The following SMURF1 variants were observed in gnomAD, a reference collection of about 807,000 sequenced individuals.
The protein encoded by SMURF1 is SMAD specific E3 ubiquitin protein ligase 1.
In SMURF1, 44 loss-of-function variants were observed where a neutral mutation model predicts 98.0. That is an observed-to-expected ratio of 0.45 (90% CI 0.35 to 0.58). The LOEUF is 0.58. Among genes scored for constraint, SMURF1 ranks in the 20% least tolerant of loss-of-function variants. The probability of loss-of-function intolerance (pLI) is 0.00; values close to 1 mark genes in which losing one functional copy is unlikely to be tolerated. For synonymous variants in SMURF1, 396 were observed against 374.9 expected (o/e 1.06, Z -0.65); for missense variants, 687 against 938.4 (o/e 0.73, Z 3.50).
At chr7:99,042,809 A>G (rs1795438776) in intron 11 of SMURF1, among the ~76,000 whole-genome samples, 1 of 152,238 alleles carries the variant, frequency 6.6e-6, no homozygotes, top group Non-Finnish European at 1.5e-5. Flanking sequence ...GCATTAAGAT[A>G]GCAGCTCCAA....
At chr7:99,133,953 A>C (rs1275023137) in intron 1 of SMURF1, among the ~76,000 whole-genome samples, 1 of 152,206 alleles carries the variant, frequency 6.6e-6, no homozygotes, top group East Asian at 1.9e-4. Flanking sequence ...GTTACAAGTC[A>C]GGACTGTGGT....
In SMURF1 at chr7:99,054,794, C is replaced by T. The variant is rs1166630200; in HGVS notation, c.475G>A (p.Glu159Lys). ...TCTTGCTGTGGTTATACGTACCCTT[C>T]ATTTTCTAACAGTCCTCTGCAGTCC... The part of the protein sequence containing the change: ...VVDCRGLLEN[E>K]GTVYEDSGPG... The change falls in exon 6 of 18, where the codon GAA becomes AAA. Residue 159 changes from glutamate to lysine, a missense_variant. Glu to Lys is a moderately conservative substitution (Grantham distance 56). Coordinates refer to ENST00000361368, the MANE Select transcript of SMURF1 (RefSeq NM_181349.3). 1 of 1,613,706 alleles carries T rather than the reference C, an allele frequency of 6.2e-7. No homozygotes were observed. Among genetic ancestry groups the T allele is most frequent in the Non-Finnish European group, 8.5e-7 (1 of 1,179,852 alleles).
chr7:99,034,192 ACCT>A (rs903912158), intron 16 of SMURF1, among the ~76,000 whole-genome samples: 2 of 151,620 alleles, frequency 1.3e-5, no homozygotes, highest in African/African-American at 4.9e-5. Flanking sequence ...GCCTTCAGAG[ACCT>A]CCTGCAGGGC....
intron 6 of SMURF1, among the ~76,000 whole-genome samples, chr7:99,053,308 C>T (rs1795805374): frequency 6.6e-6 from 1 of 152,078 alleles, no homozygotes; most frequent in Non-Finnish European, 1.5e-5. Flanking sequence ...CAATGAACCC[C>T]CTGTGTCCAC....
chr7:99,131,921 G>A (rs201258157), intron 1 of SMURF1, among the ~76,000 whole-genome samples: 1 of 152,128 alleles, frequency 6.6e-6, no homozygotes, highest in South Asian at 2.1e-4. Flanking sequence ...AATGGGAAAC[G>A]TTATTCAAGA....
At chr7:99,133,070 A>G (rs1193668912) in intron 1 of SMURF1, among the ~76,000 whole-genome samples, 1 of 151,406 alleles carries the variant, frequency 6.6e-6, no homozygotes, top group African/African-American at 2.4e-5. Context: ...GGTGATATGA[A>G]TTTGTACATG....
At position 99,114,672 on chromosome 7, in the gene SMURF1, C is replaced by T. The variant is rs117587388; in HGVS notation, c.55+29054G>A. The stretch of plus-strand genomic sequence containing the variant: ...AGCAACTATACCTAACGGACATATA[C>T]AGGACAGTTTACCCAACAGTAGCAG... On this transcript the variant is annotated intron_variant, in intron 1 of 17. Transcript: ENST00000361368. Among the ~76,000 whole-genome samples, 36 of 152,268 alleles carry T rather than the reference C, an allele frequency of 2.4e-4. No individual in the cohort carries two copies. In the East Asian group the frequency reaches 6.6e-3, roughly 28 times the overall value.
intron 1 of SMURF1, among the ~76,000 whole-genome samples, chr7:99,142,438 CTGAAGAGGGCTGGACCAGGGGGAAG>C (rs1183593805): frequency 6.6e-6 from 1 of 151,710 alleles, no homozygotes; most frequent in Non-Finnish European, 1.5e-5. Context: ...CAGACTGAGA[CTGAAGAGGGCTGGACCAGGGGGAAG>C]TGAAGAGAGC....
chr7:99,032,334 A>G (rs1009987070), intron 17 of SMURF1, among the ~76,000 whole-genome samples: 2 of 152,250 alleles, frequency 1.3e-5, no homozygotes, highest in African/African-American at 4.8e-5. Context: ...GAGAATTGGC[A>G]TAAATGAAAC....
intron 16 of SMURF1, among the ~76,000 whole-genome samples, chr7:99,033,861 T>C (rs1424942055): frequency 6.6e-6 from 1 of 152,228 alleles, no homozygotes; most frequent in Non-Finnish European, 1.5e-5. Flanking sequence ...CCACCACTGC[T>C]GCTGCAAAGA....
intron 3 of SMURF1, among the ~76,000 whole-genome samples, chr7:99,058,584 C>T (rs187044507): frequency 1.7e-4 from 26 of 152,278 alleles, no homozygotes; most frequent in African/African-American, 5.8e-4. Flanking sequence ...GACATTAAAC[C>T]TCCATTTACT....
chr7:99,094,855 A>C (rs1796909767), intron 1 of SMURF1, among the ~76,000 whole-genome samples: 1 of 152,168 alleles, frequency 6.6e-6, no homozygotes, highest in Non-Finnish European at 1.5e-5. Context: ...CCACGCTGTC[A>C]AACAGCCTAC....
intron 1 of SMURF1, among the ~76,000 whole-genome samples, chr7:99,065,427 C>G (rs1796165117): frequency 6.6e-6 from 1 of 152,170 alleles, no homozygotes; most frequent in South Asian, 2.1e-4. Context: ...GCACATTTCT[C>G]TTTGGGTGGA....
chr7:99,090,504 G>A (rs1457422881), intron 1 of SMURF1, among the ~76,000 whole-genome samples: 1 of 152,168 alleles, frequency 6.6e-6, no homozygotes, highest in African/African-American at 2.4e-5. Flanking sequence ...ACAGAGAGGA[G>A]GAGTGGGAAA....
intron 1 of SMURF1, among the ~76,000 whole-genome samples, chr7:99,099,132 G>C (rs1038126112): frequency 1.3e-5 from 2 of 152,066 alleles, no homozygotes; most frequent in East Asian, 1.9e-4. Flanking sequence ...ACTAGAGCCC[G>C]ATGAGAAAAG....
At chr7:99,051,924 G>A (rs1795762097) in intron 7 of SMURF1, among the ~76,000 whole-genome samples, 1 of 152,156 alleles carries the variant, frequency 6.6e-6, no homozygotes, top group African/African-American at 2.4e-5. Flanking sequence ...GAGGCAGGTG[G>A]ATCACTTGAG....
intron 1 of SMURF1, among the ~76,000 whole-genome samples, chr7:99,142,534 G>A (rs1798149451): frequency 6.6e-6 from 1 of 150,536 alleles, no homozygotes; most frequent in Non-Finnish European, 1.5e-5. Flanking sequence ...AAGAAAGGGT[G>A]GAGGCCTCGC....
intron 1 of SMURF1, among the ~76,000 whole-genome samples, chr7:99,122,755 T>C (rs1797667181): frequency 6.8e-6 from 1 of 148,082 alleles, no homozygotes; most frequent in Admixed American, 6.7e-5. Flanking sequence ...CTTTTTTTTT[T>C]TTTTTTTTTT....
intron 1 of SMURF1, among the ~76,000 whole-genome samples, chr7:99,079,158 T>C (rs762386336): frequency 2.2e-4 from 34 of 152,110 alleles, no homozygotes; most frequent in Non-Finnish European, 4.6e-4. Context: ...GCCACTAGAG[T>C]GATGCCTCGG....
Sources: allele counts gnomAD v4.1 joint callset (sites outside exome capture counted in the v4.1 genomes callset), GRCh38; gene constraint gnomAD v4.1.1; transcripts MANE v1.5; gene names NCBI Gene and HGNC (gene_info 2026-07-23, HGNC 2026-07-21).